Variants in RAD51B observed in about 807,000 individuals in gnomAD.
RAD51B encodes the protein RAD51 paralog B, also known as DNA repair protein RAD51 homolog 2.
RAD51B carries 38 observed loss-of-function variants against 42.2 expected under a neutral mutation model. That is an observed-to-expected ratio of 0.90 (90% CI 0.70 to 1.18). The LOEUF (loss-of-function observed/expected upper bound fraction) is 1.18. RAD51B is among the 50% of genes most tolerant of loss of function. The pLI, the probability that RAD51B is intolerant of heterozygous loss-of-function variation, is 0.00. For synonymous variants in RAD51B, 154 were observed against 145.2 expected (o/e 1.06, Z -0.43); for missense variants, 373 against 400.7 (o/e 0.93, Z 0.59).
chr14:68,126,209 A>G (rs1041268199), intron 7 of RAD51B, among the ~76,000 whole-genome samples: 1 of 152,154 alleles, frequency 6.6e-6, no homozygotes, highest in Non-Finnish European at 1.5e-5. Flanking sequence ...TCATTCTTTT[A>G]TCAGCTTTTA....
At chr14:68,347,291 T>C (rs1231401855) in intron 8 of RAD51B, among the ~76,000 whole-genome samples, 3 of 152,228 alleles carry the variant, frequency 2.0e-5, no homozygotes, top group African/African-American at 7.2e-5. Context: ...TTCAGAGTTT[T>C]TGTTAGCTGC....
At chr14:68,164,042 C>T (rs75983173) in intron 7 of RAD51B, among the ~76,000 whole-genome samples, 265 of 152,236 alleles carry the variant, frequency 1.7e-3, no homozygotes, top group African/African-American at 6.2e-3. Context: ...CTGGTGCCAT[C>T]AGCAGTTTAT....
exon 11 of RAD51B, chr14:68,611,218 A>G: frequency 1.4e-6 from 1 of 703,068 alleles, no homozygotes; most frequent in Non-Finnish European, 2.6e-6. Context: ...TGGAATCAGA[A>G]CAGAGACTTT....
At chr14:67,880,351 T>C (rs1226521456) in intron 5 of RAD51B, among the ~76,000 whole-genome samples, 2 of 152,206 alleles carry the variant, frequency 1.3e-5, no homozygotes, top group East Asian at 3.8e-4. Context: ...TATCAATCAT[T>C]CTTTCAAGTA....
At chr14:67,999,360 G>C (rs1195161702) in intron 7 of RAD51B, among the ~76,000 whole-genome samples, 1 of 152,148 alleles carries the variant, frequency 6.6e-6, no homozygotes, top group African/African-American at 2.4e-5. Flanking sequence ...GGCAGCACTA[G>C]AGTGCTATAT....
At chr14:68,241,276 C>T (rs1370639082) in intron 7 of RAD51B, among the ~76,000 whole-genome samples, 1 of 152,214 alleles carries the variant, frequency 6.6e-6, no homozygotes, top group African/African-American at 2.4e-5. Context: ...GGCGTGGTGG[C>T]TCACGCCTGT....
At chr14:68,447,572 T>C (rs1428554496) in intron 9 of RAD51B, among the ~76,000 whole-genome samples, 3 of 152,246 alleles carry the variant, frequency 2.0e-5, no homozygotes, top group African/African-American at 7.2e-5. Context: ...AAGAGTAAGT[T>C]AAAAAATATT....
intron 9 of RAD51B, among the ~76,000 whole-genome samples, chr14:68,445,283 T>G (rs750380984): frequency 2.6e-5 from 4 of 152,206 alleles, no homozygotes; most frequent in Non-Finnish European, 4.4e-5. Context: ...TCTTAAACTT[T>G]CTTTCCTTCA....
chr14:68,287,515 C>T (rs1209950602), intron 7 of RAD51B, among the ~76,000 whole-genome samples: 4 of 152,350 alleles, frequency 2.6e-5, no homozygotes, highest in Non-Finnish European at 5.9e-5. Context: ...CAGACCTAAT[C>T]ATGACCATTA....
chr14:67,868,578 C>T (rs1465589309), intron 5 of RAD51B, among the ~76,000 whole-genome samples: 2 of 150,404 alleles, frequency 1.3e-5, no homozygotes, highest in Non-Finnish European at 3.0e-5. Context: ...CTGGGTGGAG[C>T]CCACCACAGC....
At chr14:68,653,782 G>A (rs1176360461) in intron 11 of RAD51B, among the ~76,000 whole-genome samples, 2 of 152,270 alleles carry the variant, frequency 1.3e-5, no homozygotes, top group African/African-American at 4.8e-5. Flanking sequence ...GGGCACTGGA[G>A]TTGAATTCTG....
At chr14:67,928,049 T>C (rs751698203) in intron 7 of RAD51B, among the ~76,000 whole-genome samples, 25 of 152,106 alleles carry the variant, frequency 1.6e-4, no homozygotes, top group Non-Finnish European at 3.1e-4. Context: ...TCTCTTAACT[T>C]TTTGGAATAG....
intron 10 of RAD51B, among the ~76,000 whole-genome samples, chr14:68,624,915 G>A (rs543680751): frequency 2.0e-4 from 30 of 152,286 alleles, no homozygotes; most frequent in African/African-American, 6.7e-4. Context: ...GTTCCGAAGC[G>A]CCTGCAGGTG....
chr14:68,395,764 G>A (rs1432228168), intron 8 of RAD51B, among the ~76,000 whole-genome samples: 2 of 152,142 alleles, frequency 1.3e-5, no homozygotes, highest in African/African-American at 4.8e-5. Flanking sequence ...CTGACTCAAG[G>A]GCTGGACATC....
At chr14:68,189,070 C>A (rs2079212654) in intron 7 of RAD51B, among the ~76,000 whole-genome samples, 3 of 151,884 alleles carry the variant, frequency 2.0e-5, no homozygotes, top group Admixed American at 1.3e-4. Context: ...CCTAATCTTT[C>A]TTTTAATTTT....
At chr14:68,654,372 GT>G (rs1326147795) in intron 11 of RAD51B, among the ~76,000 whole-genome samples, 1 of 152,236 alleles carries the variant, frequency 6.6e-6, no homozygotes, top group African/African-American at 2.4e-5. Flanking sequence ...GTCAGGGTGT[GT>G]TTCTGCTCAT....
chr14:68,427,423 T>A (rs1395372636), intron 9 of RAD51B, among the ~76,000 whole-genome samples: 1 of 152,216 alleles, frequency 6.6e-6, no homozygotes, highest in East Asian at 1.9e-4. Flanking sequence ...CCCAAGGTCT[T>A]CTGGGTACAA....
chr14:68,340,315 T>C (rs1006027428), intron 8 of RAD51B, among the ~76,000 whole-genome samples: 3 of 152,146 alleles, frequency 2.0e-5, no homozygotes, highest in African/African-American at 7.2e-5. Context: ...GTGGGGGAGA[T>C]TTACATCTGT....
At chr14:68,645,606 A>C (rs746372863) in intron 10 of RAD51B, among the ~76,000 whole-genome samples, 7 of 152,192 alleles carry the variant, frequency 4.6e-5, no homozygotes, top group Non-Finnish European at 1.5e-5. Context: ...GTACCATTTT[A>C]AATTCCCACC....
Sources: gnomAD v4.1 joint callset for allele counts (sites outside exome capture counted in the v4.1 genomes callset) on GRCh38, gnomAD v4.1.1 for gene constraint, MANE v1.5 for transcripts, NCBI Gene and HGNC (gene_info 2026-07-23, HGNC 2026-07-21) for gene names.